COPS9: variants seen among roughly 807,000 people sequenced by gnomAD.
COPS9 encodes the protein COP9 signalosome complex subunit 9.
In COPS9, 8 loss-of-function variants were observed where a neutral mutation model predicts 7.2. That is an observed-to-expected ratio of 1.11 (90% CI 0.65 to 2.00). COPS9 has a LOEUF of 2.00. Ranked by LOEUF, COPS9 falls within the 30% of genes most tolerant of loss-of-function variation. The pLI is 0.00. For missense variants in COPS9, 74 were observed against 77.7 expected, an observed-to-expected ratio of 0.95 and a Z score of 0.18; for synonymous variants, 39 against 28.7, an observed-to-expected ratio of 1.36 and a Z score of -1.14.
chr2:240,131,429 G>A (rs944501396), intron 2 of COPS9, among the ~76,000 whole-genome samples: 4 of 152,194 alleles, frequency 2.6e-5, no homozygotes, highest in African/African-American at 4.8e-5. Flanking sequence ...ACGAGTGCAC[G>A]GGCACCCAAG....
chr2:240,133,325 T>G (rs1322894053), intron 2 of COPS9, among the ~76,000 whole-genome samples: 1 of 152,258 alleles, frequency 6.6e-6, no homozygotes, highest in Non-Finnish European at 1.5e-5. Context: ...ATGAGAAATA[T>G]TCCCTCTAGC....
chr2:240,135,960 C>T (rs973404256), intron 1 of COPS9: 23 of 521,320 alleles, frequency 4.4e-5, no homozygotes, highest in Middle Eastern at 5.1e-4. Context: ...CGTGGGGGCA[C>T]CCAGCAGGCA....
chr2:240,134,311 GATCCCTCGCCGGAC>G (rs1311900053), intron 1 of COPS9: 3 of 288,092 alleles, frequency 1.0e-5, no homozygotes, highest in Non-Finnish European at 1.9e-5. Context: ...AGAGCTTTCC[GATCCCTCGCCGGAC>G]ATCGCCAGAG....
At chr2:240,135,855 G>GGTTTATTCCCCACCCGC in intron 1 of COPS9, 1 of 260,932 alleles carries the variant, frequency 3.8e-6, no homozygotes, top group Non-Finnish European at 7.2e-6. Context: ...TCCCACACGA[G>GGTTTATTCCCCACCCGC]GTTATGGAGA....
chr2:240,135,039 G>A (rs1434724958), intron 1 of COPS9, among the ~76,000 whole-genome samples: 3 of 152,054 alleles, frequency 2.0e-5, no homozygotes, highest in Non-Finnish European at 4.4e-5. Flanking sequence ...TGGGTTTAAT[G>A]GAAGTGCTTC....
At chr2:240,130,771 G>C, downstream of COPS9, 6 of 1,330,788 alleles carry the variant, frequency 4.5e-6, no homozygotes, top group East Asian at 5.7e-5. Context: ...AACACACAGA[G>C]ACGTTTAGGG....
At chr2:240,134,760 G>A (rs1295318777) in intron 1 of COPS9, among the ~76,000 whole-genome samples, 2 of 152,018 alleles carry the variant, frequency 1.3e-5, no homozygotes, top group African/African-American at 4.8e-5. Flanking sequence ...CTCCTCCCCT[G>A]GCTTCTCAGC....
At chr2:240,134,962 G>A (rs1239563768) in intron 1 of COPS9, among the ~76,000 whole-genome samples, 1 of 145,692 alleles carries the variant, frequency 6.9e-6, no homozygotes, top group African/African-American at 2.7e-5. Context: ...CCACTGTAAA[G>A]CCCTCCGGTG....
rs79173768 is a variant in COPS9, at chr2:240,132,307, T to C, written c.137-1219A>G. On this transcript the variant is annotated intron_variant, in intron 2 of 2. Coordinates refer to ENST00000607357, the MANE Select transcript of COPS9 (RefSeq NM_001163424.2). The surrounding 1 kb of genome is among the most constrained non-coding windows in gnomAD (Gnocchi z 4.1). ...AGGGTGTAACAGCCCAGCAAACCCA[T>C]CTGTTTGACGAGTAAAAAGGACTTA... Among the ~76,000 whole-genome samples, 1 of 152,094 alleles carries C rather than the reference T, an allele frequency of 6.6e-6. No individual in the cohort carries two copies. Among genetic ancestry groups the C allele is most frequent in the Non-Finnish European group, 1.5e-5 (1 of 68,016 alleles).
chr2:240,130,334 C>T (rs963584607), downstream of COPS9, among the ~76,000 whole-genome samples: 4 of 152,256 alleles, frequency 2.6e-5, no homozygotes, highest in African/African-American at 9.6e-5. Context: ...CAAACAGCAA[C>T]TTCACTGCTT....
chr2:240,128,457 C>T (rs1178084457), downstream of COPS9, among the ~76,000 whole-genome samples: 7 of 152,174 alleles, frequency 4.6e-5, no homozygotes. Context: ...CCCCAGAAGG[C>T]TCCCTCGCCC....
chr2:240,130,018 G>T (rs1157269363), downstream of COPS9: 2 of 1,612,892 alleles, frequency 1.2e-6, no homozygotes, highest in African/African-American at 1.3e-5. Flanking sequence ...GTCCTGGGCA[G>T]TCCTGAGCTG....
chr2:240,131,224 G>A (rs1021635091), intron 2 of COPS9, 136 bp from the exon 3 acceptor site: 33 of 1,071,284 alleles, frequency 3.1e-5, no homozygotes, highest in South Asian at 1.4e-4. Flanking sequence ...GACTTTTCCC[G>A]TAACAGACTT....
intron 1 of COPS9, chr2:240,134,348 C>T (rs1215292926): frequency 8.7e-6 from 2 of 228,884 alleles, no homozygotes; most frequent in Non-Finnish European, 1.7e-5. Flanking sequence ...CACAAACATG[C>T]GAAATTGAGC....
rs1160255389 is a variant in COPS9 at position 240,132,711 on chromosome 2, G to A, written c.136+1222C>T. ...TGAAGGAGATCATCAAAATGCAAGC[G>A]TGTGGTGCCAGCATTAGCAACTGCC... On this transcript the variant is annotated intron_variant, in intron 2 of 2. Coordinates refer to ENST00000607357, the MANE Select transcript of COPS9 (RefSeq NM_001163424.2). The surrounding 1 kb of genome is among the most constrained non-coding windows in gnomAD (Gnocchi z 4.1). 6.6e-6 allele frequency among the ~76,000 whole-genome samples: 1 copy of A among 152,172 alleles called. No individual in the cohort carries two copies. The highest frequency in any genetic ancestry group is 1.5e-5 in the Non-Finnish European group (1 of 68,024).
At chr2:240,127,009 T>G, downstream of COPS9, 1 of 1,560,324 alleles carries the variant, frequency 6.4e-7, no homozygotes, top group Non-Finnish European at 8.7e-7. Flanking sequence ...GAATTCCGAG[T>G]GACCTGGGAC....
At chr2:240,128,219 T>A (rs1406220420), downstream of COPS9, among the ~76,000 whole-genome samples, 1 of 152,048 alleles carries the variant, frequency 6.6e-6, no homozygotes. Flanking sequence ...ACCAGAGATA[T>A]AGTGTGGAGA....
At chr2:240,131,187 A>G (rs2071918493) in intron 2 of COPS9, 99 bp from the exon 3 acceptor site, 1 of 1,302,650 alleles carries the variant, frequency 7.7e-7, no homozygotes, top group Admixed American at 2.1e-5. Context: ...ATACAGAGAT[A>G]ATCGTCAATG....
At chr2:240,130,738 GC>G (rs550821483), downstream of COPS9, 205 of 1,153,312 alleles carry the variant, frequency 1.8e-4, no homozygotes, top group African/African-American at 3.1e-3. Flanking sequence ...GCTGACAGAT[GC>G]ACGCACATGC....
Sources: gnomAD v4.1 joint callset for allele counts (sites outside exome capture counted in the v4.1 genomes callset) on GRCh38, gnomAD v4.1.1 for gene constraint, Gnocchi (gnomAD v3.1) non-coding constraint, MANE v1.5 for transcripts, NCBI Gene and HGNC (gene_info 2026-07-23, HGNC 2026-07-21) for gene names.